RPS6KA5: variants seen among roughly 807,000 people sequenced by gnomAD.
RPS6KA5 encodes the protein ribosomal protein S6 kinase alpha-5.
Under a neutral mutation model 85.5 loss-of-function variants are expected in RPS6KA5, and 27 were observed. That is an observed-to-expected ratio of 0.32 (90% CI 0.23 to 0.44). RPS6KA5 has a LOEUF of 0.44. Among genes scored for constraint, RPS6KA5 ranks in the 20% least tolerant of loss-of-function variants. The pLI is 1.00. For missense variants in RPS6KA5, 811 were observed against 980.9 expected (o/e 0.83, Z 2.31); for synonymous variants, 334 against 348.2 (o/e 0.96, Z 0.46).
chr14:90,933,462 C>A (rs1001599338), intron 5 of RPS6KA5, among the ~76,000 whole-genome samples: 1 of 152,068 alleles, frequency 6.6e-6, no homozygotes, highest in South Asian at 2.1e-4. Context: ...ATTCTCATAC[C>A]CCACATCTAA....
At chr14:90,907,395 G>A (rs1006590496) in intron 7 of RPS6KA5, among the ~76,000 whole-genome samples, 4 of 152,112 alleles carry the variant, frequency 2.6e-5, no homozygotes, top group Admixed American at 6.6e-5. Flanking sequence ...TGTAAAATGG[G>A]CATAACATCA....
intron 3 of RPS6KA5, among the ~76,000 whole-genome samples, chr14:90,971,838 G>C (rs1330955200): frequency 6.6e-6 from 1 of 152,128 alleles, no homozygotes; most frequent in Non-Finnish European, 1.5e-5. Context: ...GCAAAACTGA[G>C]AGAAAGAAAA....
chr14:91,036,153 A>T (rs930701692), intron 1 of RPS6KA5, among the ~76,000 whole-genome samples: 1 of 152,164 alleles, frequency 6.6e-6, no homozygotes, highest in African/African-American at 2.4e-5. Flanking sequence ...ATTTATTGAC[A>T]AATGGATGGG....
At chr14:91,060,224 TCCGCGCCCACGGCTGCGGCC>T (rs897697935) in intron 1 of RPS6KA5, 88 bp downstream of exon 1, 110 of 898,264 alleles carry the variant, frequency 1.2e-4, no homozygotes, top group Middle Eastern at 5.6e-4. Context: ...GGCCCGCCCC[TCCGCGCCCACGGCTGCGGCC>T]CCGCGCCCCC....
At position 91,010,131 on chromosome 14, in the gene RPS6KA5, T is replaced by G. The variant is rs1357014539; in HGVS notation, c.104-8972A>C. ...ATGAAGGAAGTGAATTTTTACTACA[T>G]TTTTTACTAAATTTTTGAAAGTTTA... On this transcript the variant is annotated intron_variant, in intron 1 of 16. Transcript: ENST00000614987. Among the ~76,000 whole-genome samples, 4 of 152,040 alleles carry G rather than the reference T, an allele frequency of 2.6e-5. No individual in the cohort carries two copies. In the East Asian group the frequency reaches 7.7e-4, roughly 29 times the overall value.
chr14:90,962,435 C>G (rs183127363), intron 3 of RPS6KA5, among the ~76,000 whole-genome samples: 1 of 152,024 alleles, frequency 6.6e-6, no homozygotes, highest in East Asian at 1.9e-4. Context: ...TCCCAAGTAG[C>G]TGGGACTATA....
At chr14:90,899,826 T>C (rs953786086) in intron 11 of RPS6KA5, among the ~76,000 whole-genome samples, 2 of 152,172 alleles carry the variant, frequency 1.3e-5, no homozygotes, top group African/African-American at 2.4e-5. Context: ...GCTGCCAAAA[T>C]CACTATGTGA....
chr14:91,048,620 A>T (rs2042957803), intron 1 of RPS6KA5, among the ~76,000 whole-genome samples: 1 of 152,222 alleles, frequency 6.6e-6, no homozygotes, highest in African/African-American at 2.4e-5. Context: ...CGAGAGGGAC[A>T]CTGCTAGAAA....
intron 1 of RPS6KA5, among the ~76,000 whole-genome samples, chr14:91,018,317 G>A (rs746368995): frequency 6.6e-6 from 1 of 152,186 alleles, no homozygotes; most frequent in Admixed American, 6.5e-5. Context: ...GTTCTCTACT[G>A]TGATGGTTAA....
Position 90,954,369 on chromosome 14 carries a change from TCTGGGG to T in RPS6KA5, c.395-6825_395-6820del, listed in dbSNP as rs141671572. On this transcript the variant is annotated intron_variant, in intron 3 of 16. Transcript: ENST00000614987. ...TTGGTAACATTTACTAGTGAAGCCA[TCTGGGG>T]CTGGGCTTTTCTTTGTGTGTAGTTT... 2.3e-3 allele frequency among the ~76,000 whole-genome samples: 345 copies of T among 152,294 alleles called. 1 individual carries two copies. The highest frequency in any genetic ancestry group is 0.017 in the East Asian group (88 of 5,178).
intron 9 of RPS6KA5, among the ~76,000 whole-genome samples, chr14:90,901,724 A>G (rs945585301): frequency 8.5e-5 from 13 of 152,258 alleles, no homozygotes; most frequent in African/African-American, 2.9e-4. Flanking sequence ...ATACTTATAG[A>G]AGTCAAAGAA....
chr14:90,933,699 C>T (rs2037112097), intron 5 of RPS6KA5, among the ~76,000 whole-genome samples: 1 of 152,178 alleles, frequency 6.6e-6, no homozygotes. Flanking sequence ...AGTGGCTCCC[C>T]ATTTTGTGCA....
At chr14:90,960,490 C>A (rs2038742200) in intron 3 of RPS6KA5, among the ~76,000 whole-genome samples, 1 of 152,188 alleles carries the variant, frequency 6.6e-6, no homozygotes, top group Non-Finnish European at 1.5e-5. Context: ...TCACTGACAT[C>A]TGAAAGGAGG....
chr14:90,983,700 G>A (rs1339273649), intron 2 of RPS6KA5, among the ~76,000 whole-genome samples: 2 of 149,660 alleles, frequency 1.3e-5, no homozygotes, highest in Admixed American at 6.7e-5. Context: ...GGGGAAAGGG[G>A]CATCGGGAAA....
chr14:90,950,921 G>A (rs2038141370), intron 3 of RPS6KA5, among the ~76,000 whole-genome samples: 2 of 151,844 alleles, frequency 1.3e-5, no homozygotes, highest in South Asian at 4.2e-4. Flanking sequence ...ATGGGTTTGA[G>A]ACTAGCCTGG....
intron 5 of RPS6KA5, among the ~76,000 whole-genome samples, chr14:90,925,395 G>A (rs1252393005): frequency 6.6e-6 from 1 of 152,158 alleles, no homozygotes; most frequent in Non-Finnish European, 1.5e-5. Flanking sequence ...GCACTCATTC[G>A]TTTCTGTCTA....
At chr14:90,940,813 T>C (rs1464644937) in intron 5 of RPS6KA5, among the ~76,000 whole-genome samples, 1 of 152,194 alleles carries the variant, frequency 6.6e-6, no homozygotes, top group Non-Finnish European at 1.5e-5. Context: ...GTGGTGGCAT[T>C]AGATTCTCCT....
chr14:91,026,400 T>TC (rs1425699102), intron 1 of RPS6KA5, among the ~76,000 whole-genome samples: 1 of 152,040 alleles, frequency 6.6e-6, no homozygotes, highest in East Asian at 1.9e-4. Context: ...CTAGCTAATT[T>TC]TTTTTTTCCC....
At chr14:90,935,206 T>G (rs1371563123) in intron 5 of RPS6KA5, among the ~76,000 whole-genome samples, 4 of 152,180 alleles carry the variant, frequency 2.6e-5, no homozygotes, top group Admixed American at 2.6e-4. Flanking sequence ...CCTACACATC[T>G]TGAGATACGT....
Sources: gnomAD v4.1 joint callset for allele counts (sites outside exome capture counted in the v4.1 genomes callset) on GRCh38, gnomAD v4.1.1 for gene constraint, MANE v1.5 for transcripts, NCBI Gene and HGNC (gene_info 2026-07-23, HGNC 2026-07-21) for gene names.